GATAD1: variants seen among roughly 807,000 people sequenced by gnomAD.
GATAD1 encodes GATA zinc finger domain containing 1.
A neutral mutation model predicts 26.5 loss-of-function variants in GATAD1; 12 were observed. The ratio of observed to expected loss-of-function variants is 0.45; its 90% CI spans 0.29 to 0.73. The LOEUF is 0.73. Ranked by LOEUF, GATAD1 falls within the 30% of genes least tolerant of loss-of-function variation. The pLI, the probability that GATAD1 is intolerant of heterozygous loss-of-function variation, is 0.10. For synonymous variants in GATAD1, 129 were observed against 133.1 expected, an observed-to-expected ratio of 0.97 and a Z score of 0.21; for missense variants, 266 against 342.1, an observed-to-expected ratio of 0.78 and a Z score of 1.75.
chr7:92,470,363 T>C, the GATAD1 span: 1 of 713,672 alleles, frequency 1.4e-6, no homozygotes. Context: ...AAGAGAAAAA[T>C]ATGATAAGGG....
chr7:92,456,604 T>C lies in GATAD1; in HGVS notation c.*42T>C. 4 of 1,308,048 alleles carry C rather than the reference T, an allele frequency of 3.1e-6. No homozygotes were observed. The highest frequency in any genetic ancestry group is 4.4e-6 in the Non-Finnish European group (4 of 913,884). The allele number at this position is 1,308,048 out of a possible 1,614,324, so 81.0% of individuals were successfully genotyped here. On this transcript the variant is annotated 3_prime_UTR_variant, in exon 5 of 5. Coordinates refer to ENST00000287957, the MANE Select transcript of GATAD1 (RefSeq NM_021167.5). ...GGGTTTCCAGGCCTGGTGTGGTGGC[T>C]CACGCCTGTAGCCCCAGCTATTGCA... is the stretch of plus-strand genomic sequence containing the variant.
the GATAD1 span, among the ~76,000 whole-genome samples, chr7:92,482,976 C>A: frequency 6.6e-6 from 1 of 152,270 alleles, no homozygotes; most frequent in South Asian, 2.1e-4. Flanking sequence ...ACTTAGCCTC[C>A]ACTGTGAGAG....
At chr7:92,456,025 C>T (rs1585172851) in intron 4 of GATAD1, among the ~76,000 whole-genome samples, 1 of 152,194 alleles carries the variant, frequency 6.6e-6, no homozygotes, top group Non-Finnish European at 1.5e-5. Context: ...TTCTTAGTCT[C>T]TCTTGCCTCA....
chr7:92,475,755 G>T, the GATAD1 span, among the ~76,000 whole-genome samples: 2 of 152,234 alleles, frequency 1.3e-5, no homozygotes, highest in Admixed American at 1.3e-4. Context: ...GCGCTCAGGG[G>T]TGAGTCCTAG....
Position 92,458,157 on chromosome 7 carries a change from T to G in GATAD1, c.*1595T>G, listed in dbSNP as rs1789765108. ...CTCAAAAAAGAAAAAAAAGAAAAAA[T>G]TTTAATTTAATCCTTCTGTAGAAAC... On this transcript the variant is annotated 3_prime_UTR_variant, in exon 5 of 5. Coordinates refer to ENST00000287957, the MANE Select transcript of GATAD1 (RefSeq NM_021167.5). 6.8e-6 allele frequency: 1 copy of G among 146,172 alleles called. No homozygotes were observed. The highest frequency in any genetic ancestry group is 3.2e-3 in the Middle Eastern group (1 of 312). 9.1% of individuals were successfully genotyped at this position (146,172 alleles called of 1,614,324 possible). A position where few individuals can be genotyped will look rare whatever the true frequency, so the allele number is the denominator to read the frequency against.
At chr7:92,472,257 T>C in the GATAD1 span, 1 of 152,208 alleles carries the variant, frequency 6.6e-6, no homozygotes, top group Non-Finnish European at 1.5e-5. Context: ...TAAACAGTTG[T>C]CTGACAGCCA....
intron 2 of GATAD1, 174 bp downstream of exon 2, chr7:92,449,051 G>A (rs780594283): frequency 1.1e-4 from 110 of 1,038,876 alleles, no homozygotes; most frequent in Non-Finnish European, 2.8e-5. Context: ...GAGGCTCACT[G>A]TTTATAAAGT....
the GATAD1 span, among the ~76,000 whole-genome samples, chr7:92,473,806 C>T: frequency 2.0e-5 from 3 of 151,944 alleles, no homozygotes; most frequent in African/African-American, 7.3e-5. Context: ...GAGACAACCT[C>T]CTGGCCCTCA....
the GATAD1 span, among the ~76,000 whole-genome samples, chr7:92,484,412 G>T: frequency 1.3e-5 from 2 of 152,064 alleles, no homozygotes; most frequent in African/African-American, 4.8e-5. Flanking sequence ...AGGGAATGTG[G>T]GTGAGTGACC....
rs1374695119 is a variant in GATAD1, at chr7:92,457,917, A to G, written c.*1355A>G. ...TTTGGGAGGCCTGAGTGGATGGATC[A>G]CTTGAGGTCAGGAGTTCAGGACCAG... On this transcript the variant is annotated 3_prime_UTR_variant, in exon 5 of 5. Transcript: ENST00000287957. 1 of 152,158 alleles carries G rather than the reference A, an allele frequency of 6.6e-6. No homozygotes were observed. Among genetic ancestry groups the G allele is most frequent in the Non-Finnish European group, 1.5e-5 (1 of 68,060 alleles). The allele number at this position is 152,158 out of a possible 1,614,324, so 9.4% of individuals were successfully genotyped here. A position where few individuals can be genotyped will look rare whatever the true frequency, so the allele number is the denominator to read the frequency against.
At position 92,447,930 on chromosome 7, in the gene GATAD1, C is replaced by T; in HGVS notation, c.201C>T (p.Ser67=). The change falls in exon 1 of 5, where the codon AGC becomes AGT. Residue 67 remains serine (S), a synonymous_variant. Coordinates refer to ENST00000287957, the MANE Select transcript of GATAD1 (RefSeq NM_021167.5). ...GCTTCGGCGCGGCGACCTTCGCCAGCACCTCCGCCACCCCTCCGCAGAGCA... is the reference window on the plus strand; with the variant it reads ...GCTTCGGCGCGGCGACCTTCGCCAGTACCTCCGCCACCCCTCCGCAGAGCA... ...GGGFGAATFA[S]TSATPPQSNG... is the part of the protein sequence containing the mutation. 8.0e-7 allele frequency: 1 copy of T among 1,244,186 alleles called. No individual in the cohort carries two copies. Among genetic ancestry groups the T allele is most frequent in the Non-Finnish European group, 1.0e-6 (1 of 996,662 alleles). 77.1% of individuals were successfully genotyped at this position (1,244,186 alleles called of 1,614,324 possible).
In GATAD1 at chr7:92,447,519, A is replaced by C; in HGVS notation, c.-211A>C. ...TGCTTCCCAGTGCCTCGGGCCAGGGAATCCTGGCCTCCGCCTGCGGAGCCG... is the reference window on the plus strand; with the variant it reads ...TGCTTCCCAGTGCCTCGGGCCAGGGCATCCTGGCCTCCGCCTGCGGAGCCG... On this transcript the variant is annotated 5_prime_UTR_variant, in exon 1 of 5. Transcript: ENST00000287957. 4.5e-6 allele frequency: 2 copies of C among 440,716 alleles called. No homozygotes were observed. Among genetic ancestry groups the C allele is most frequent in the Non-Finnish European group, 3.7e-6 (1 of 271,558 alleles). 27.3% of individuals were successfully genotyped at this position (440,716 alleles called of 1,614,324 possible).
downstream of GATAD1, chr7:92,461,288 T>G (rs968122332): frequency 2.0e-5 from 3 of 152,302 alleles, no homozygotes; most frequent in Non-Finnish European, 2.9e-5. Context: ...TTCTTTCCTG[T>G]CCTCCACTTG....
chr7:92,490,073 A>C, the GATAD1 span: 1 of 670,064 alleles, frequency 1.5e-6, no homozygotes, highest in South Asian at 1.8e-5. Context: ...AAAGTTGTTC[A>C]TCTTTTATAA....
At chr7:92,489,891 T>C in the GATAD1 span, 1 of 1,614,042 alleles carries the variant, frequency 6.2e-7, no homozygotes. Context: ...TGGAGCTTGG[T>C]GCAGAGAGAC....
chr7:92,476,125 T>C, the GATAD1 span, among the ~76,000 whole-genome samples: 1 of 152,242 alleles, frequency 6.6e-6, no homozygotes, highest in Non-Finnish European at 1.5e-5. Flanking sequence ...GTAATTAAGA[T>C]TTAAATCCCG....
the GATAD1 span, chr7:92,471,031 T>C: frequency 6.0e-6 from 1 of 167,044 alleles, no homozygotes; most frequent in Non-Finnish European, 1.5e-5. Context: ...ACTCCCTGGG[T>C]TACTGTGGCC....
intron 4 of GATAD1, 58 bp downstream of exon 4, chr7:92,454,743 G>A (rs1367147895): frequency 1.7e-6 from 2 of 1,178,626 alleles, no homozygotes; most frequent in Non-Finnish European, 1.2e-6. Context: ...CCAATATTAT[G>A]TAAAAGAGTG....
the GATAD1 span, chr7:92,472,642 T>C: frequency 6.6e-6 from 1 of 152,256 alleles, no homozygotes; most frequent in African/African-American, 2.4e-5. Context: ...TTAATTAGTG[T>C]ATTTAATGAC....
Sources: allele counts gnomAD v4.1 joint callset (sites outside exome capture counted in the v4.1 genomes callset), GRCh38; gene constraint gnomAD v4.1.1; transcripts MANE v1.5; gene names NCBI Gene and HGNC (gene_info 2026-07-23, HGNC 2026-07-21).